WDR4: variants seen among roughly 807,000 people sequenced by gnomAD.
WDR4 encodes the protein WDR4 tRNA N7-guanosine methyltransferase non-catalytic subunit, also known as tRNA (guanine-N(7)-)-methyltransferase non-catalytic subunit WDR4.
Under a neutral mutation model 48.6 loss-of-function variants are expected in WDR4, and 47 were observed. The ratio of observed to expected loss-of-function variants is 0.97; its 90% CI spans 0.77 to 1.23. The LOEUF is 1.23. Ranked by LOEUF, WDR4 falls within the 50% of genes most tolerant of loss-of-function variation. WDR4 has a pLI of 0.00. For missense variants in WDR4, 606 were observed against 551.6 expected, an observed-to-expected ratio of 1.10 and a Z score of -0.99; for synonymous variants, 268 against 230.0, an observed-to-expected ratio of 1.17 and a Z score of -1.49.
downstream of WDR4, among the ~76,000 whole-genome samples, chr21:42,847,585 C>T (rs1013471973): frequency 4.0e-4 from 61 of 152,316 alleles, no homozygotes; most frequent in African/African-American, 1.3e-3. Flanking sequence ...GAGGGCGTTC[C>T]GTCTCAGTCC....
chr21:42,856,404 T>C (rs1417227671), intron 6 of WDR4, among the ~76,000 whole-genome samples: 1 of 152,180 alleles, frequency 6.6e-6, no homozygotes, highest in African/African-American at 2.4e-5. Context: ...ATTTTTTTGT[T>C]GTTTAATTGA....
Position 42,855,674 on chromosome 21 carries a change from G to A in WDR4, c.726+8C>T. ...CTCAGTCGCCCAGGAGTGAACAGAA[G>A]CAGCTACCTGGGGGGCCTGGGGGTC... On this transcript the variant is annotated splice_region_variant and intron_variant, in intron 7 of 10. Transcript: ENST00000398208. The A allele has an allele frequency of 1.9e-6, 3 of 1,545,610 alleles. No homozygotes were observed. The highest frequency in any genetic ancestry group is 2.6e-6 in the Non-Finnish European group (3 of 1,142,380).
chr21:42,862,177 C>G lies in WDR4; in HGVS notation c.566+105G>C. 1 of 1,038,496 alleles carries G rather than the reference C, an allele frequency of 9.6e-7. No individual in the cohort carries two copies. The allele number at this position is 1,038,496 out of a possible 1,614,324, so 64.3% of individuals were successfully genotyped here. A position where few individuals can be genotyped will look rare whatever the true frequency, so the allele number is the denominator to read the frequency against. Reference sequence around the variant, plus strand: ...ACACCAAGCACGGGGGCTGCTGTCACCCGCGTGGGGCCTCGCCAGCTACAA... The same window carrying G: ...ACACCAAGCACGGGGGCTGCTGTCAGCCGCGTGGGGCCTCGCCAGCTACAA... On this transcript the variant is annotated intron_variant, in intron 5 of 10. Transcript: ENST00000398208. The surrounding 1 kb of genome is among the most constrained non-coding windows in gnomAD (Gnocchi z 4.3).
chr21:42,883,373 C>G (rs2839599), upstream of WDR4, among the ~76,000 whole-genome samples: 86,772 of 143,086 alleles, frequency 0.61, 26,749 homozygotes, highest in African/African-American at 0.72. Flanking sequence ...TATGGTCCTT[C>G]AGTTAAAAAA....
chr21:42,863,299 C>A, intron 4 of WDR4, 141 bp downstream of exon 4: 1 of 1,035,156 alleles, frequency 9.7e-7, no homozygotes, highest in Admixed American at 2.5e-5. Flanking sequence ...ATGTCCCCCA[C>A]GTACTGCGTC....
intron 3 of WDR4, among the ~76,000 whole-genome samples, chr21:42,869,642 C>A (rs948577286): frequency 6.6e-6 from 1 of 151,974 alleles, no homozygotes; most frequent in Non-Finnish European, 1.5e-5. Context: ...ATAAACAACA[C>A]CCCAATGGAA....
At chr21:42,859,218 G>A (rs1006337443) in intron 6 of WDR4, among the ~76,000 whole-genome samples, 2 of 151,198 alleles carry the variant, frequency 1.3e-5, no homozygotes, top group African/African-American at 4.9e-5. Flanking sequence ...TTTGAAACCA[G>A]CCTGAAAAAT....
Position 42,849,891 on chromosome 21 carries a change from CAG to C in WDR4, c.*156_*157del, listed in dbSNP as rs112404719. ...CCAGCAAGAGCCTGTGCTGGTGACA[CAG>C]AATGTTCTTTCTAGAGCCCAGGGGA... is the stretch of plus-strand genomic sequence containing the variant. On this transcript the variant is annotated 3_prime_UTR_variant, in exon 11 of 11. Coordinates refer to ENST00000398208, the MANE Select transcript of WDR4 (RefSeq NM_018669.6). 4.5e-6 allele frequency: 4 copies of C among 881,410 alleles called. No homozygotes were observed. The African/African-American group carries it at 5.1e-5, about 11-fold the overall frequency. 54.6% of individuals were successfully genotyped at this position (881,410 alleles called of 1,614,324 possible).
At chr21:42,868,475 C>T (rs990025443) in intron 3 of WDR4, among the ~76,000 whole-genome samples, 1 of 152,220 alleles carries the variant, frequency 6.6e-6, no homozygotes, top group Admixed American at 6.5e-5. Flanking sequence ...CCACCACCAG[C>T]CAGGCCTACG....
intron 3 of WDR4, among the ~76,000 whole-genome samples, chr21:42,870,227 T>C (rs1471433623): frequency 2.6e-5 from 4 of 152,094 alleles, no homozygotes; most frequent in African/African-American, 9.7e-5. Flanking sequence ...GGTAAGTGCC[T>C]GTAATCTCAG....
chr21:42,861,484 G>A (rs538791929), intron 5 of WDR4, among the ~76,000 whole-genome samples: 6 of 152,264 alleles, frequency 3.9e-5, no homozygotes, highest in African/African-American at 1.2e-4. Context: ...CCTCCCTCAC[G>A]TGCCTGGCGA....
At chr21:42,861,936 T>TC (rs1201186707) in intron 5 of WDR4, among the ~76,000 whole-genome samples, 1 of 152,058 alleles carries the variant, frequency 6.6e-6, no homozygotes, top group Non-Finnish European at 1.5e-5. Flanking sequence ...CTAAAGTTCA[T>TC]CCTCGCCCCC....
In WDR4 at chr21:42,855,690, C is replaced by A. The variant is rs1369294486; in HGVS notation, c.718G>T (p.Ala240Ser). 1 of 1,552,098 alleles carries A rather than the reference C, an allele frequency of 6.4e-7. No homozygotes were observed. Among genetic ancestry groups the A allele is most frequent in the South Asian group, 1.2e-5 (1 of 84,062 alleles). ...TGAACAGAAGCAGCTACCTGGGGGGCCTGGGGGTCCACCAGCTCCTGCAGA... is the reference window on the plus strand; with the variant it reads ...TGAACAGAAGCAGCTACCTGGGGGGACTGGGGGTCCACCAGCTCCTGCAGA... The part of the protein sequence containing the change: ...ASLQELVDPQ[A>S]PQKFAASRIA... Residue 240 changes from alanine to serine, a missense_variant, in exon 7 of 11, where the codon GCC becomes TCC. By Grantham distance (99) the Ala-to-Ser change is moderately conservative. Coordinates refer to ENST00000398208, the MANE Select transcript of WDR4 (RefSeq NM_018669.6).
intron 6 of WDR4, among the ~76,000 whole-genome samples, chr21:42,856,405 G>A (rs960864390): frequency 6.6e-6 from 1 of 151,798 alleles, no homozygotes; most frequent in African/African-American, 2.4e-5. Flanking sequence ...TTTTTTTGTT[G>A]TTTAATTGAA....
At position 42,862,204 on chromosome 21, in the gene WDR4, G is replaced by A. The variant is rs1043408642; in HGVS notation, c.566+78C>T. The A allele has an allele frequency of 9.6e-6, 13 of 1,353,100 alleles. No homozygotes were observed. The highest frequency in any genetic ancestry group is 2.1e-5 in the Admixed American group (1 of 48,520). 83.8% of individuals were successfully genotyped at this position (1,353,100 alleles called of 1,614,324 possible). On this transcript the variant is annotated intron_variant, in intron 5 of 10. Transcript: ENST00000398208. This position sits in a 1 kb window ranked among gnomAD's most constrained non-coding sequence, Gnocchi z 4.3. Reference sequence around the variant, plus strand: ...CGCGTGGGGCCTCGCCAGCTACAACGGCACCTGCTGAGCCGCAAGCTGACG... The same window carrying A: ...CGCGTGGGGCCTCGCCAGCTACAACAGCACCTGCTGAGCCGCAAGCTGACG...
chr21:42,862,526 T>A lies in WDR4; in HGVS notation c.454-132A>T. 2 of 757,988 alleles carry A rather than the reference T, an allele frequency of 2.6e-6. No homozygotes were observed. Among genetic ancestry groups the A allele is most frequent in the Non-Finnish European group, 4.3e-6 (2 of 466,692 alleles). 47.0% of individuals were successfully genotyped at this position (757,988 alleles called of 1,614,324 possible). On this transcript the variant is annotated intron_variant, in intron 4 of 10. Coordinates refer to ENST00000398208, the MANE Select transcript of WDR4 (RefSeq NM_018669.6). The surrounding 1 kb of genome is among the most constrained non-coding windows in gnomAD (Gnocchi z 4.3). ...TGAGGCCTTCGAGGACAGACCAGCG[T>A]GGCTCCTCCCCTCCTCCCGTCCCTA...
chr21:42,892,473 C>A, the WDR4 span, among the ~76,000 whole-genome samples: 1 of 127,438 alleles, frequency 7.8e-6, no homozygotes, highest in East Asian at 2.0e-4. Context: ...TTTATCTTGC[C>A]ACCTCAATGA....
intron 3 of WDR4, among the ~76,000 whole-genome samples, chr21:42,864,991 G>A (rs775850405): frequency 7.2e-5 from 11 of 152,224 alleles, no homozygotes; most frequent in South Asian, 4.1e-4. Context: ...CAGGGCGCCC[G>A]GCCCACTGCG....
At chr21:42,891,854 G>A in the WDR4 span, among the ~76,000 whole-genome samples, 7 of 151,896 alleles carry the variant, frequency 4.6e-5, no homozygotes, top group Non-Finnish European at 7.4e-5. Context: ...CTACTCAGGA[G>A]GCTGAGGGAG....
Sources: gnomAD v4.1 joint callset for allele counts (sites outside exome capture counted in the v4.1 genomes callset) on GRCh38, gnomAD v4.1.1 for gene constraint, Gnocchi (gnomAD v3.1) non-coding constraint, MANE v1.5 for transcripts, NCBI Gene and HGNC (gene_info 2026-07-23, HGNC 2026-07-21) for gene names.